WWOX: variants seen among roughly 807,000 people sequenced by gnomAD.
The protein encoded by WWOX is WW domain containing oxidoreductase.
Under a neutral mutation model 46.2 loss-of-function variants are expected in WWOX, and 69 were observed. That is an observed-to-expected ratio of 1.49 (90% confidence interval 1.23 to 1.82). WWOX has a LOEUF of 1.82. Among genes scored for constraint, WWOX ranks in the 40% most tolerant of loss-of-function variants. The pLI is 0.00. For synonymous variants in WWOX, 359 were observed against 202.6 expected (o/e 1.77, Z -6.56); for missense variants, 919 against 542.6 (o/e 1.69, Z -6.89).
At chr16:78,114,651 A>G (rs2032679449) in intron 3 of WWOX, among the ~76,000 whole-genome samples, 1 of 151,422 alleles carries the variant, frequency 6.6e-6, no homozygotes, top group African/African-American at 2.5e-5. Flanking sequence ...TCTTATAGCT[A>G]CATTTACATG....
chr16:78,549,908 A>G (rs2044135188), intron 8 of WWOX, among the ~76,000 whole-genome samples: 1 of 152,190 alleles, frequency 6.6e-6, no homozygotes, highest in African/African-American at 2.4e-5. Flanking sequence ...ATAAACAAGG[A>G]CAGAGTTGAC....
At chr16:78,239,692 G>A (rs1397091427) in intron 5 of WWOX, among the ~76,000 whole-genome samples, 5 of 151,966 alleles carry the variant, frequency 3.3e-5, no homozygotes, top group South Asian at 2.1e-4. Flanking sequence ...ATGCCACCAC[G>A]TCTGGCTAGT....
intron 8 of WWOX, among the ~76,000 whole-genome samples, chr16:78,809,764 A>T (rs2051139752): frequency 6.6e-6 from 1 of 152,188 alleles, no homozygotes; most frequent in South Asian, 2.1e-4. Context: ...TAGCTGGGAC[A>T]GGAAGAAGGA....
chr16:78,252,153 A>C (rs1238478505), intron 5 of WWOX, among the ~76,000 whole-genome samples: 4 of 152,170 alleles, frequency 2.6e-5, no homozygotes, highest in Non-Finnish European at 5.9e-5. Flanking sequence ...GGCATCTTGC[A>C]CTTGTCTCCC....
At chr16:78,125,270 G>A (rs148673856) in intron 4 of WWOX, among the ~76,000 whole-genome samples, 1 of 152,184 alleles carries the variant, frequency 6.6e-6, no homozygotes, top group Non-Finnish European at 1.5e-5. Flanking sequence ...ACGTGCTTGA[G>A]ATCATACAGG....
intron 8 of WWOX, among the ~76,000 whole-genome samples, chr16:78,595,421 A>G (rs976056272): frequency 6.6e-6 from 1 of 152,114 alleles, no homozygotes; most frequent in Admixed American, 6.5e-5. Context: ...AGCCTGTGGA[A>G]CGTAATATTC....
At chr16:78,616,475 C>G (rs1395860490) in intron 8 of WWOX, among the ~76,000 whole-genome samples, 1 of 150,840 alleles carries the variant, frequency 6.6e-6, no homozygotes, top group Non-Finnish European at 1.5e-5. Context: ...TAAAAGGGCA[C>G]TAATGGCCAG....
intron 8 of WWOX, among the ~76,000 whole-genome samples, chr16:78,722,204 C>T (rs1388278950): frequency 6.6e-6 from 1 of 152,140 alleles, no homozygotes; most frequent in Admixed American, 6.5e-5. Flanking sequence ...GCACGATGAC[C>T]GCAGCTCCTG....
At chr16:78,863,086 G>A (rs557111254) in intron 8 of WWOX, among the ~76,000 whole-genome samples, 2 of 151,276 alleles carry the variant, frequency 1.3e-5, no homozygotes, top group South Asian at 4.2e-4. Context: ...AGCCTCCCAA[G>A]TAGGTGGGAT....
intron 8 of WWOX, among the ~76,000 whole-genome samples, chr16:79,187,236 C>G (rs1026293872): frequency 6.6e-6 from 1 of 152,204 alleles, no homozygotes; most frequent in Non-Finnish European, 1.5e-5. Flanking sequence ...AATATCAGCA[C>G]TTATCACATA....
intron 8 of WWOX, among the ~76,000 whole-genome samples, chr16:79,152,067 C>T (rs2050290276): frequency 6.6e-6 from 1 of 152,174 alleles, no homozygotes; most frequent in South Asian, 2.1e-4. Context: ...TACCATATCC[C>T]TTGTTAAATT....
chr16:78,467,026 G>A (rs911422117), intron 8 of WWOX, among the ~76,000 whole-genome samples: 1 of 152,120 alleles, frequency 6.6e-6, no homozygotes, highest in Non-Finnish European at 1.5e-5. Context: ...GACACTAAAC[G>A]TACCTTATCT....
At chr16:78,998,872 T>C (rs2047040368) in intron 8 of WWOX, among the ~76,000 whole-genome samples, 1 of 152,226 alleles carries the variant, frequency 6.6e-6, no homozygotes, top group African/African-American at 2.4e-5. Flanking sequence ...AGTTCCCTTA[T>C]GCCTGGCAGG....
chr16:78,388,969 C>CAAAA (rs71137896), intron 6 of WWOX, among the ~76,000 whole-genome samples: 1 of 129,292 alleles, frequency 7.7e-6, no homozygotes, highest in Non-Finnish European at 1.6e-5. Context: ...AACTCTGTCT[C>CAAAA]AAAAAAAAAA....
chr16:78,984,761 T>C (rs2046751610), intron 8 of WWOX, among the ~76,000 whole-genome samples: 1 of 152,220 alleles, frequency 6.6e-6, no homozygotes, highest in Admixed American at 6.5e-5. Flanking sequence ...TCGTCCTCTT[T>C]TCGTGATTTC....
Position 78,744,422 on chromosome 16 carries a change from CTTTTTTT to C in WWOX, c.1056+311691_1056+311697del, listed in dbSNP as rs976073233. ...TAGGAAGGGCCCATGGTCCACACTGCTTTTTTTTTTTTTTTTTTTTTTTTTTTGAAAC... is the reference window on the plus strand; with the variant it reads ...TAGGAAGGGCCCATGGTCCACACTGCTTTTTTTTTTTTTTTTTTTTGAAAC... On this transcript the variant is annotated intron_variant, in intron 8 of 8. Coordinates refer to ENST00000566780, the MANE Select transcript of WWOX (RefSeq NM_016373.4). 7.2e-3 allele frequency among the ~76,000 whole-genome samples: 595 copies of C among 82,258 alleles called. 3 individuals are homozygous for C. Among genetic ancestry groups the C allele is most frequent in the African/African-American group, 0.032 (522 of 16,348 alleles). The allele number at this position is 82,258 out of a possible 152,430, so 54.0% of individuals were successfully genotyped here.
chr16:78,960,060 A>G (rs981176245), intron 8 of WWOX, among the ~76,000 whole-genome samples: 1 of 152,176 alleles, frequency 6.6e-6, no homozygotes, highest in South Asian at 2.1e-4. Flanking sequence ...GCATGGTGGG[A>G]CAGACTAAAT....
At chr16:78,950,774 C>T (rs960149501) in intron 8 of WWOX, among the ~76,000 whole-genome samples, 2 of 152,158 alleles carry the variant, frequency 1.3e-5, no homozygotes, top group African/African-American at 4.8e-5. Context: ...GATCTACTGG[C>T]ATCATGCCTA....
intron 8 of WWOX, among the ~76,000 whole-genome samples, chr16:78,996,542 C>A (rs1434704001): frequency 6.6e-6 from 1 of 152,076 alleles, no homozygotes; most frequent in Non-Finnish European, 1.5e-5. Context: ...TTCCATTCCT[C>A]CTAACTAATG....
Sources: allele counts gnomAD v4.1 joint callset (sites outside exome capture counted in the v4.1 genomes callset), GRCh38; gene constraint gnomAD v4.1.1; transcripts MANE v1.5; gene names NCBI Gene and HGNC (gene_info 2026-07-23, HGNC 2026-07-21).